Variants in ANKRD11 observed in about 807,000 individuals in gnomAD.
The protein encoded by ANKRD11 is ankyrin repeat domain-containing protein 11.
Under a neutral mutation model 195.7 loss-of-function variants are expected in ANKRD11, and 17 were observed. The observed-to-expected ratio is 0.09, with a 90% CI of 0.06 to 0.13. ANKRD11 has a LOEUF of 0.13. Among genes scored for constraint, ANKRD11 ranks in the 10% least tolerant of loss-of-function variants. The pLI is 1.00. For synonymous variants in ANKRD11, 1,953 were observed against 1,528.1 expected (o/e 1.28, Z -6.49); for missense variants, 3,735 against 3,566.1 (o/e 1.05, Z -1.21).
At chr16:89,304,613 C>A (rs1408993808) in intron 4 of ANKRD11, among the ~76,000 whole-genome samples, 1 of 151,768 alleles carries the variant, frequency 6.6e-6, no homozygotes, top group African/African-American at 2.4e-5. Flanking sequence ...CACACACGGG[C>A]ATACATACAG....
intron 1 of ANKRD11, among the ~76,000 whole-genome samples, chr16:89,453,077 C>T (rs149649947): frequency 1.6e-4 from 25 of 152,290 alleles, no homozygotes; most frequent in African/African-American, 4.8e-4. Context: ...TAAGCCACCA[C>T]GCCCGGCTGC....
chr16:89,441,767 C>CA (rs57747159), intron 1 of ANKRD11, among the ~76,000 whole-genome samples: 1,136 of 52,316 alleles, frequency 0.022, 194 homozygotes, highest in African/African-American at 0.065. Flanking sequence ...ACTCCGCCTA[C>CA]AAAAAAAAAA....
chr16:89,436,243 A>G (rs1008148568), intron 1 of ANKRD11, among the ~76,000 whole-genome samples: 5 of 152,020 alleles, frequency 3.3e-5, no homozygotes, highest in Non-Finnish European at 5.9e-5. Context: ...GGTGAAACCT[A>G]TCTGTACTAA....
At chr16:89,435,161 TCACCAATCAGCACTCTGTAAAAACG>T (rs1279418559) in intron 1 of ANKRD11, among the ~76,000 whole-genome samples, 2 of 152,146 alleles carry the variant, frequency 1.3e-5, no homozygotes, top group Non-Finnish European at 2.9e-5. Context: ...GTTTCTAAAC[TCACCAATCAGCACTCTGTAAAAACG>T]CACCAATCAG....
Position 89,286,169 on chromosome 16 carries a change from C to T in ANKRD11, c.762G>A (p.Leu254=). 1 of 1,613,852 alleles carries T rather than the reference C, an allele frequency of 6.2e-7. No individual in the cohort carries two copies. Among genetic ancestry groups the T allele is most frequent in the Non-Finnish European group, 8.5e-7 (1 of 1,180,036 alleles). The change falls in exon 8 of 13, where the codon CTG becomes CTA. Residue 254 remains leucine, a synonymous_variant. Coordinates refer to ENST00000301030, the MANE Select transcript of ANKRD11 (RefSeq NM_013275.6). ...NGHYKVVKLL[L]RYGGNPQQSN... is the part of the protein sequence containing the mutation. Reference sequence around the variant, plus strand: ...TCTGCTGCGGGTTCCCTCCGTACCGCAGCAGCAGCTTCACCACCTACAAGA... The same window carrying T: ...TCTGCTGCGGGTTCCCTCCGTACCGTAGCAGCAGCTTCACCACCTACAAGA...
At chr16:89,344,045 C>A (rs556026399) in intron 2 of ANKRD11, among the ~76,000 whole-genome samples, 4 of 152,316 alleles carry the variant, frequency 2.6e-5, no homozygotes, top group African/African-American at 7.2e-5. Context: ...TCAAGCCCGG[C>A]CCCGCCCCTC....
chr16:89,290,937 C>T (rs2035020550), intron 5 of ANKRD11, 76 bp downstream of exon 5: 1 of 1,610,598 alleles, frequency 6.2e-7, no homozygotes, highest in Admixed American at 1.7e-5. Context: ...CAGGGCTTGT[C>T]CTCAGCACAG....
chr16:89,291,535 C>G lies in ANKRD11; in HGVS notation c.227-352G>C. On this transcript the variant is annotated intron_variant, in intron 4 of 12. Coordinates refer to ENST00000301030, the MANE Select transcript of ANKRD11 (RefSeq NM_013275.6). This position sits in a 1 kb window ranked among gnomAD's most constrained non-coding sequence, Gnocchi z 5.3. ...GGACAGCTTAGCACCGGTGACCTGG[C>G]TCACACAGGACAGGTCTCTGTTCAA... The G allele has an allele frequency of 3.0e-6, 2 of 673,306 alleles. No individual in the cohort carries two copies. The highest frequency in any genetic ancestry group is 4.8e-6 in the Non-Finnish European group (2 of 416,504). The allele number at this position is 673,306 out of a possible 1,614,324, so 41.7% of individuals were successfully genotyped here. A position where few individuals can be genotyped will look rare whatever the true frequency, so the allele number is the denominator to read the frequency against.
intron 1 of ANKRD11, among the ~76,000 whole-genome samples, chr16:89,455,417 T>G (rs1441670810): frequency 3.9e-5 from 6 of 152,076 alleles, no homozygotes; most frequent in Non-Finnish European, 8.8e-5. Flanking sequence ...CTATATAAGC[T>G]ACTCAGTAAG....
In ANKRD11 at chr16:89,280,613, A is replaced by G; in HGVS notation, c.5929T>C (p.Ser1977Pro). Reference sequence around the variant, plus strand: ...TGTGGAGACTTCAGCAGGAGGTCCGAGCCCACAGGCCAGCTCACAGGGTTT... The same window carrying G: ...TGTGGAGACTTCAGCAGGAGGTCCGGGCCCACAGGCCAGCTCACAGGGTTT... ...SENPVSWPVG[S>P]DLLLKSPQRF... Residue 1977 changes from serine to proline, a missense_variant, in exon 9 of 13, where the codon TCG (serine) becomes CCG (proline). By Grantham distance (74) the Ser-to-Pro change is moderately conservative. Transcript: ENST00000301030. The G allele has an allele frequency of 1.2e-6, 2 of 1,613,468 alleles. No individual in the cohort carries two copies. The highest frequency in any genetic ancestry group is 1.7e-6 in the Non-Finnish European group (2 of 1,179,938).
intron 11 of ANKRD11, 114 bp downstream of exon 11, chr16:89,274,700 G>A: frequency 6.7e-7 from 1 of 1,481,692 alleles, no homozygotes; most frequent in South Asian, 1.1e-5. Context: ...GCCCCTGCAA[G>A]GTGCTGAGCA....
Position 89,268,264 on chromosome 16 carries a change from C to T in ANKRD11, c.*214G>A. ...CAGTGAGGCTCTGGGGGCTTTGCCC[C>T]CGCCGCGGCAGCTGGTAGAGAAGAG... is the stretch of plus-strand genomic sequence containing the variant. On this transcript the variant is annotated 3_prime_UTR_variant, in exon 13 of 13. Coordinates refer to ENST00000301030, the MANE Select transcript of ANKRD11 (RefSeq NM_013275.6). The T allele has an allele frequency of 6.6e-6, 2 of 301,486 alleles. No homozygotes were observed. 18.7% of individuals were successfully genotyped at this position (301,486 alleles called of 1,614,324 possible).
intron 2 of ANKRD11, chr16:89,412,707 G>C (rs2042148314): frequency 6.6e-6 from 1 of 152,014 alleles, no homozygotes; most frequent in South Asian, 2.1e-4. Flanking sequence ...CAAAAACATA[G>C]AGGAAAAAAT....
Position 89,286,151 on chromosome 16 carries a change from C to A in ANKRD11, c.780G>T (p.Pro260=), listed in dbSNP as rs377284083. The change falls in exon 8 of 13, where the codon CCG becomes CCT. Residue 260 remains proline, a synonymous_variant. Coordinates refer to ENST00000301030, the MANE Select transcript of ANKRD11 (RefSeq NM_013275.6). The part of the protein sequence containing the change: ...VKLLLRYGGN[P]QQSNRKGETP... ...TCTCGCCTTTCCTGTTGCTCTGCTG[C>A]GGGTTCCCTCCGTACCGCAGCAGCA... 1 of 1,614,008 alleles carries A rather than the reference C, an allele frequency of 6.2e-7. No homozygotes were observed. The highest frequency in any genetic ancestry group is 1.3e-5 in the African/African-American group (1 of 75,058).
chr16:89,289,110 C>G (rs899298082), intron 6 of ANKRD11: 11 of 265,954 alleles, frequency 4.1e-5, no homozygotes. Context: ...GCAGGAGCTC[C>G]AGGGGCGCCC....
chr16:89,278,758 G>C (rs779795672), intron 9 of ANKRD11: 19 of 562,826 alleles, frequency 3.4e-5, no homozygotes, highest in Non-Finnish European at 3.4e-6. Context: ...GGAGTGGAGA[G>C]GGGAGAGTGA....
At chr16:89,478,334 G>C (rs1008359017) in intron 1 of ANKRD11, among the ~76,000 whole-genome samples, 2 of 151,806 alleles carry the variant, frequency 1.3e-5, no homozygotes, top group African/African-American at 4.8e-5. Flanking sequence ...CATTGGGGTT[G>C]GTTTTTTTTT....
At chr16:89,303,520 G>A (rs1046068800) in intron 4 of ANKRD11, among the ~76,000 whole-genome samples, 4 of 152,186 alleles carry the variant, frequency 2.6e-5, no homozygotes, top group Non-Finnish European at 5.9e-5. Flanking sequence ...GTCCGCTGCT[G>A]GGAAGAGGAG....
rs777705464 is a variant in ANKRD11 at position 89,280,695 on chromosome 16, C to T, written c.5847G>A (p.Glu1949=). 4.6e-5 allele frequency: 74 copies of T among 1,613,224 alleles called. No individual in the cohort carries two copies. Among genetic ancestry groups the T allele is most frequent in the Non-Finnish European group, 5.8e-5 (69 of 1,179,896 alleles). The change falls in exon 9 of 13, where the codon GAG becomes GAA. Residue 1949 remains glutamate, a synonymous_variant. Coordinates refer to ENST00000301030, the MANE Select transcript of ANKRD11 (RefSeq NM_013275.6). The part of the protein sequence containing the change: ...FSAVITEEPV[E]WAHPSEQALA... ...GCGCCTGCTCGGAGGGGTGGGCCCA[C>T]TCAACGGGCTCCTCGGTGATGACGG...
Sources: gnomAD v4.1 joint callset for allele counts (sites outside exome capture counted in the v4.1 genomes callset) on GRCh38, gnomAD v4.1.1 for gene constraint, Gnocchi (gnomAD v3.1) non-coding constraint, MANE v1.5 for transcripts, NCBI Gene and HGNC (gene_info 2026-07-23, HGNC 2026-07-21) for gene names.